CSMD1: variants seen among roughly 807,000 people sequenced by gnomAD.
CSMD1 encodes the protein CUB and sushi domain-containing protein 1.
Under a neutral mutation model 417.5 loss-of-function variants are expected in CSMD1, and 213 were observed. That is an observed-to-expected ratio of 0.51 (90% CI 0.46 to 0.57). The LOEUF (loss-of-function observed/expected upper bound fraction) is 0.57, where lower values mean the gene tolerates loss of function less well. Among genes scored for constraint, CSMD1 ranks in the 20% least tolerant of loss-of-function variants. The probability of loss-of-function intolerance (pLI) is 0.00; values close to 1 mark genes in which losing one functional copy is unlikely to be tolerated. For synonymous variants in CSMD1, 2,862 were observed against 1,736.8 expected (o/e 1.65, Z -16.11); for missense variants, 6,923 against 4,529.7 (o/e 1.53, Z -15.17).
At chr8:4,175,596 A>G (rs1306455240) in intron 3 of CSMD1, among the ~76,000 whole-genome samples, 1 of 152,166 alleles carries the variant, frequency 6.6e-6, no homozygotes, top group African/African-American at 2.4e-5. Flanking sequence ...GAGTAAATAT[A>G]CAATGATCAC....
chr8:3,029,528 T>C lies in CSMD1; in HGVS notation c.7661-15A>G. The C allele has an allele frequency of 6.4e-7, 1 of 1,572,664 alleles. No homozygotes were observed. Among genetic ancestry groups the C allele is most frequent in the South Asian group, 1.2e-5 (1 of 85,984 alleles). Reference sequence around the variant, plus strand: ...GCAAGCGACCGCTGGAAGGGAAACGTACATCACATCATCATTTTTCTTTTT... The same window carrying C: ...GCAAGCGACCGCTGGAAGGGAAACGCACATCACATCATCATTTTTCTTTTT... On this transcript the variant is annotated splice_polypyrimidine_tract_variant and intron_variant, in intron 50 of 69. Coordinates refer to ENST00000635120, the MANE Select transcript of CSMD1 (RefSeq NM_033225.6).
intron 10 of CSMD1, among the ~76,000 whole-genome samples, chr8:3,559,153 G>A (rs946519818): frequency 6.6e-6 from 1 of 152,196 alleles, no homozygotes; most frequent in Non-Finnish European, 1.5e-5. Flanking sequence ...CCTGTGGCAG[G>A]AACTTCCATG....
At chr8:3,542,863 C>T (rs550937915) in intron 10 of CSMD1, among the ~76,000 whole-genome samples, 5 of 152,174 alleles carry the variant, frequency 3.3e-5, no homozygotes, top group African/African-American at 7.2e-5. Flanking sequence ...GCTGCTTTCC[C>T]GTGTCCCTCA....
At chr8:4,931,894 T>A (rs1436687627) in intron 1 of CSMD1, among the ~76,000 whole-genome samples, 1 of 152,220 alleles carries the variant, frequency 6.6e-6, no homozygotes, top group Admixed American at 6.5e-5. Flanking sequence ...TATGGAGATA[T>A]GTACTTTAGA....
At chr8:4,626,180 G>T (rs139167647) in intron 2 of CSMD1, among the ~76,000 whole-genome samples, 2 of 152,128 alleles carry the variant, frequency 1.3e-5, no homozygotes, top group Non-Finnish European at 1.5e-5. Context: ...GCAGGCCAAG[G>T]TTTTCTTTAG....
chr8:4,924,141 AT>A, intron 1 of CSMD1, among the ~76,000 whole-genome samples: 1 of 152,308 alleles, frequency 6.6e-6, no homozygotes, highest in Non-Finnish European at 1.5e-5. Flanking sequence ...ACAAATAAAC[AT>A]CCAGACACTC....
intron 4 of CSMD1, among the ~76,000 whole-genome samples, chr8:4,011,883 T>C (rs938843551): frequency 1.3e-5 from 2 of 152,154 alleles, no homozygotes; most frequent in Non-Finnish European, 2.9e-5. Flanking sequence ...CTCAAGTCCC[T>C]TATATAAAAT....
At chr8:3,982,518 G>A (rs1045262984) in intron 5 of CSMD1, among the ~76,000 whole-genome samples, 8 of 151,948 alleles carry the variant, frequency 5.3e-5, no homozygotes, top group African/African-American at 1.7e-4. Flanking sequence ...TAAATTATGT[G>A]CATACCATTT....
At chr8:4,642,175 G>T (rs759121271) in intron 1 of CSMD1, among the ~76,000 whole-genome samples, 4 of 152,204 alleles carry the variant, frequency 2.6e-5, no homozygotes, top group Admixed American at 6.5e-5. Context: ...AGGACTACTT[G>T]TTCGGGGCCC....
chr8:3,238,907 G>A (rs1799319686), intron 26 of CSMD1, among the ~76,000 whole-genome samples: 1 of 152,130 alleles, frequency 6.6e-6, no homozygotes, highest in Non-Finnish European at 1.5e-5. Context: ...CAAGAGCAGG[G>A]CATGTATAAG....
At position 3,186,096 on chromosome 8, in the gene CSMD1, GCTGT is replaced by G. The variant is rs775398933; in HGVS notation, c.5620+1769_5620+1772del. ...GTAACACCCATCACCTACCTGTAAT[GCTGT>G]CTATTTACCAAATATTATTTATATA... On this transcript the variant is annotated intron_variant, in intron 36 of 69. Transcript: ENST00000635120. 5.8e-4 allele frequency among the ~76,000 whole-genome samples: 87 copies of G among 149,242 alleles called. 1 individual carries two copies. The highest frequency in any genetic ancestry group is 4.0e-3 in the South Asian group (19 of 4,744).
chr8:4,419,716 A>G (rs1797139993), intron 3 of CSMD1, among the ~76,000 whole-genome samples: 1 of 152,186 alleles, frequency 6.6e-6, no homozygotes, highest in Admixed American at 6.6e-5. Context: ...AACCAAAACA[A>G]AACCCCAAGA....
intron 1 of CSMD1, among the ~76,000 whole-genome samples, chr8:4,729,559 G>C (rs139449402): frequency 6.6e-6 from 1 of 152,270 alleles, no homozygotes; most frequent in Admixed American, 6.5e-5. Context: ...GATGCATTAG[G>C]CAAATTTCGA....
chr8:3,952,621 C>A (rs1167092602), intron 5 of CSMD1, among the ~76,000 whole-genome samples: 4 of 152,032 alleles, frequency 2.6e-5, no homozygotes, highest in Admixed American at 6.6e-5. Context: ...GAAGAAATTC[C>A]TTAATGGGTA....
chr8:3,463,333 G>A (rs1442248390), intron 12 of CSMD1, among the ~76,000 whole-genome samples: 1 of 152,138 alleles, frequency 6.6e-6, no homozygotes, highest in East Asian at 1.9e-4. Context: ...ATAGACTTAA[G>A]TCAAGCCCTT....
chr8:4,027,893 AT>A (rs548457388), intron 4 of CSMD1, among the ~76,000 whole-genome samples: 2 of 152,188 alleles, frequency 1.3e-5, no homozygotes, highest in Non-Finnish European at 2.9e-5. Context: ...AGTAACTTTG[AT>A]TTTTTTTCTG....
At chr8:4,407,368 T>C (rs546075531) in intron 3 of CSMD1, among the ~76,000 whole-genome samples, 10 of 152,364 alleles carry the variant, frequency 6.6e-5, no homozygotes, top group African/African-American at 2.4e-4. Context: ...ATTTTTACTA[T>C]GACTCTTGTT....
At chr8:3,770,229 G>A (rs1394335999) in intron 5 of CSMD1, among the ~76,000 whole-genome samples, 1 of 152,148 alleles carries the variant, frequency 6.6e-6, no homozygotes, top group Admixed American at 6.5e-5. Context: ...TTTCCTTGGT[G>A]CAAGAAAATA....
At chr8:4,692,110 C>G (rs1349446334) in intron 1 of CSMD1, among the ~76,000 whole-genome samples, 2 of 152,218 alleles carry the variant, frequency 1.3e-5, no homozygotes, top group East Asian at 3.9e-4. Context: ...CCCTGGCACC[C>G]TGGTACTCAG....
Sources: allele counts gnomAD v4.1 joint callset (sites outside exome capture counted in the v4.1 genomes callset), GRCh38; gene constraint gnomAD v4.1.1; transcripts MANE v1.5; gene names NCBI Gene and HGNC (gene_info 2026-07-23, HGNC 2026-07-21).